Variants in SYN1 observed in about 807,000 individuals in gnomAD.
SYN1 encodes the protein synapsin-1.
In SYN1, 8 loss-of-function variants were observed where a neutral mutation model predicts 44.6. That is an observed-to-expected ratio of 0.18 (90% confidence interval 0.11 to 0.32). The LOEUF (loss-of-function observed/expected upper bound fraction) is 0.32, where lower values mean the gene tolerates loss of function less well. SYN1 is among the 10% of genes least tolerant of loss of function. The pLI, the probability that SYN1 is intolerant of heterozygous loss-of-function variation, is 1.00. For missense variants in SYN1, 451 were observed against 639.4 expected (o/e 0.71, Z 3.18); for synonymous variants, 275 against 280.1 (o/e 0.98, Z 0.18).
Position 47,576,483 on chromosome X carries a change from G to T in SYN1, c.980+15C>A. On this transcript the variant is annotated intron_variant, in intron 7 of 12. Coordinates refer to ENST00000295987, the MANE Select transcript of SYN1 (RefSeq NM_006950.3). ...GGCAGGGGACCCCTTCCAGGGCTTT[G>T]GTCTCTCCACTCACATGTAGGCCTT... 1 of 1,212,130 alleles carries T rather than the reference G, an allele frequency of 8.2e-7. No individual in the cohort carries two copies. The highest frequency in any genetic ancestry group is 2.3e-4 in the Middle Eastern group (1 of 4,355).
At chrX:47,617,172 T>C (rs1320316536) in intron 1 of SYN1, among the ~76,000 whole-genome samples, 1 of 111,161 alleles carries the variant, frequency 9.0e-6, no homozygotes, top group Non-Finnish European at 1.9e-5. Context: ...AATAAATTGC[T>C]CTGAATGGAG....
chrX:47,615,603 C>T (rs1274785054), intron 1 of SYN1, among the ~76,000 whole-genome samples: 1 of 112,171 alleles, frequency 8.9e-6, no homozygotes, highest in Admixed American at 9.4e-5. Flanking sequence ...ATAGGTGACC[C>T]ATAGTTTGAG....
At chrX:47,602,806 A>G (rs1407504481) in intron 5 of SYN1, among the ~76,000 whole-genome samples, 1 of 111,929 alleles carries the variant, frequency 8.9e-6, no homozygotes, top group Non-Finnish European at 1.9e-5. Context: ...GTCAATATTT[A>G]TATTTAATTG....
At chrX:47,604,065 G>A (rs948978708) in intron 5 of SYN1, among the ~76,000 whole-genome samples, 2 of 108,324 alleles carry the variant, frequency 1.8e-5, no homozygotes, top group African/African-American at 3.4e-5. Context: ...GCACCACCAC[G>A]CCGGGCTAAT....
chrX:47,619,814 C>G lies in SYN1; in HGVS notation c.-86G>C. On this transcript the variant is annotated 5_prime_UTR_variant, in exon 1 of 13. Coordinates refer to ENST00000295987, the MANE Select transcript of SYN1 (RefSeq NM_006950.3). ...TGCGCGGTGCCCAGGAGCACAGCTG[C>G]GCTCTCAGGCACGACACGACTCCTC... 1 of 990,638 alleles carries G rather than the reference C, an allele frequency of 1.0e-6. No homozygotes were observed. The highest frequency in any genetic ancestry group is 2.8e-5 in the Admixed American group (1 of 36,362). 81.6% of individuals were successfully genotyped at this position (990,638 alleles called of 1,213,427 possible).
chrX:47,585,920 T>A, intron 5 of SYN1: 1 of 1,115,465 alleles, frequency 9.0e-7, no homozygotes, highest in Non-Finnish European at 1.2e-6. Flanking sequence ...AATTCTCCCT[T>A]GTGACTATTC....
intron 1 of SYN1, among the ~76,000 whole-genome samples, chrX:47,613,875 G>A (rs141890659): frequency 0.017 from 1,861 of 111,731 alleles, 48 homozygotes; most frequent in African/African-American, 0.056. Context: ...TAAATCAATG[G>A]CCATTGTAGG....
intron 5 of SYN1, among the ~76,000 whole-genome samples, chrX:47,581,701 C>T (rs910321492): frequency 8.9e-6 from 1 of 112,093 alleles, no homozygotes; most frequent in African/African-American, 3.2e-5. Flanking sequence ...GTACCCATCT[C>T]AGAGATTTGT....
rs371389413 is a variant in SYN1, at chrX:47,607,114, C to A, written c.435+27G>T. The A allele has an allele frequency of 2.5e-6, 3 of 1,205,059 alleles. No homozygotes were observed. The African/African-American group carries it at 5.3e-5, about 21-fold the overall frequency. On this transcript the variant is annotated intron_variant, in intron 2 of 12. Transcript: ENST00000295987. ...CTCAGTTTGCAGTATGGACAACTGA[C>A]CCCCAGGTCCAAATGTCCCAACTTA...
chrX:47,597,242 C>T (rs1357428682), intron 5 of SYN1, among the ~76,000 whole-genome samples: 7 of 106,851 alleles, frequency 6.6e-5, no homozygotes, highest in East Asian at 2.9e-4. Flanking sequence ...GGCTGAGGCA[C>T]GAGAATTGCT....
At chrX:47,610,801 G>A (rs2057914568) in intron 1 of SYN1, among the ~76,000 whole-genome samples, 1 of 111,460 alleles carries the variant, frequency 9.0e-6, no homozygotes, top group African/African-American at 3.3e-5. Flanking sequence ...TTCCATGGCA[G>A]ATTGCACAGG....
In SYN1 at chrX:47,583,678, C is replaced by T. The variant is rs111586479; in HGVS notation, c.775-6177G>A. 1,232 of 689,608 alleles carry T rather than the reference C, an allele frequency of 1.8e-3. 12 individuals carry two copies. In the African/African-American group the frequency reaches 0.021, roughly 12 times the overall value. 56.8% of individuals were successfully genotyped at this position (689,608 alleles called of 1,213,427 possible). The stretch of plus-strand genomic sequence containing the variant: ...CTTTAGCCACACTGGCATCCTCACA[C>T]TTCCTTGAGTACTCTGTGCCCAAGC... On this transcript the variant is annotated intron_variant, in intron 5 of 12. Coordinates refer to ENST00000295987, the MANE Select transcript of SYN1 (RefSeq NM_006950.3).
rs1339706473 is a variant in SYN1, at chrX:47,574,164, G to A, written c.1820C>T (p.Ala607Val). The A allele has an allele frequency of 1.9e-6, 2 of 1,051,202 alleles. No homozygotes were observed. The highest frequency in any genetic ancestry group is 4.4e-5 in the Admixed American group (1 of 22,588). 86.6% of individuals were successfully genotyped at this position (1,051,202 alleles called of 1,213,427 possible). A position where few individuals can be genotyped will look rare whatever the true frequency, so the allele number is the denominator to read the frequency against. Reference sequence around the variant, plus strand: ...TGGCCCAGTGCGGGGCACGGGACCCGCCTGGCTGGCCTGGCGTGTGGGGCC... The same window carrying A: ...TGGCCCAGTGCGGGGCACGGGACCCACCTGGCTGGCCTGGCGTGTGGGGCC... Reference protein sequence around the residue: ...PAGPTRQASQAGPVPRTGPPT... With the variant: ...PAGPTRQASQVGPVPRTGPPT... Residue 607 changes from alanine (A) to valine (V), a missense_variant, in exon 12 of 13, where the codon GCG becomes GTG. Physicochemically the swap from Ala to Val is moderately conservative, Grantham distance 64. Around this residue, in one of 3 missense-constraint regions of SYN1, gnomAD observed 127 missense variants for 154.8 expected, o/e 0.82. Transcript: ENST00000295987.
chrX:47,600,426 T>C (rs1041641880), intron 5 of SYN1, among the ~76,000 whole-genome samples: 2 of 111,401 alleles, frequency 1.8e-5, no homozygotes, highest in Admixed American at 9.6e-5. Context: ...CTTGAACTCC[T>C]GCACTCAAGC....
intron 5 of SYN1, among the ~76,000 whole-genome samples, chrX:47,590,739 A>G (rs1338842938): frequency 9.0e-6 from 1 of 111,058 alleles, no homozygotes; most frequent in African/African-American, 3.3e-5. Flanking sequence ...TCCCGCAGCC[A>G]CAGGCGTCCC....
At chrX:47,601,197 C>G (rs917113476) in intron 5 of SYN1, among the ~76,000 whole-genome samples, 6 of 111,434 alleles carry the variant, frequency 5.4e-5, no homozygotes, top group Admixed American at 1.9e-4. Context: ...AGTGGACATA[C>G]TACTGACCTT....
At chrX:47,595,844 TC>T (rs2057862253) in intron 5 of SYN1, among the ~76,000 whole-genome samples, 8 of 111,538 alleles carry the variant, frequency 7.2e-5, no homozygotes, top group African/African-American at 2.6e-4. Context: ...GCCTGTCTTC[TC>T]CTCCTTAAAA....
At chrX:47,576,741 C>G in intron 6 of SYN1, 101 bp from the exon 7 acceptor site, 1 of 1,078,718 alleles carries the variant, frequency 9.3e-7, no homozygotes, top group Non-Finnish European at 1.3e-6. Flanking sequence ...ACAGGTGAGG[C>G]GAGTACACAA....
chrX:47,587,662 C>T, intron 5 of SYN1, among the ~76,000 whole-genome samples: 1 of 111,171 alleles, frequency 9.0e-6, no homozygotes, highest in South Asian at 3.8e-4. Flanking sequence ...AGACTCGACC[C>T]TCACCTTTAT....
Sources: gnomAD v4.1 joint callset for allele counts (sites outside exome capture counted in the v4.1 genomes callset) on GRCh38, gnomAD v4.1.1 for gene constraint, gnomAD v4.1.1 regional missense constraint, MANE v1.5 for transcripts, NCBI Gene and HGNC (gene_info 2026-07-23, HGNC 2026-07-21) for gene names.